CDH13: variants seen among roughly 807,000 people sequenced by gnomAD.
The protein encoded by CDH13 is cadherin 13.
In CDH13, 24 loss-of-function variants were observed where a neutral mutation model predicts 63.8. The ratio of observed to expected loss-of-function variants is 0.38; its 90% CI spans 0.27 to 0.53. The LOEUF (loss-of-function observed/expected upper bound fraction) is 0.53, where lower values mean the gene tolerates loss of function less well. Among genes scored for constraint, CDH13 ranks in the 20% least tolerant of loss-of-function variants. The pLI is 0.85. For synonymous variants in CDH13, 503 were observed against 355.3 expected (o/e 1.42, Z -4.67); for missense variants, 1,049 against 903.1 (o/e 1.16, Z -2.07).
chr16:82,693,579 A>C (rs2029900000), intron 1 of CDH13, among the ~76,000 whole-genome samples: 1 of 152,226 alleles, frequency 6.6e-6, no homozygotes, highest in Admixed American at 6.5e-5. Context: ...ACCCTGTATA[A>C]GAACCTCCAA....
At chr16:82,683,188 C>A (rs1914729543) in intron 1 of CDH13, among the ~76,000 whole-genome samples, 1 of 152,146 alleles carries the variant, frequency 6.6e-6, no homozygotes, top group South Asian at 2.1e-4. Context: ...TCTTACTAAA[C>A]CTTCCCTGTC....
At chr16:83,081,707 A>AAGAGAGAG (rs538993379) in intron 3 of CDH13, among the ~76,000 whole-genome samples, 1 of 150,656 alleles carries the variant, frequency 6.6e-6, no homozygotes, top group Non-Finnish European at 1.5e-5. Flanking sequence ...GAGAGAGAGA[A>AAGAGAGAG]AGAGAGAGAG....
At chr16:83,280,016 C>T (rs1015104076) in intron 5 of CDH13, among the ~76,000 whole-genome samples, 4 of 152,148 alleles carry the variant, frequency 2.6e-5, no homozygotes, top group South Asian at 2.1e-4. Flanking sequence ...AGAGTCTTGC[C>T]GCAATGTTGA....
intron 2 of CDH13, among the ~76,000 whole-genome samples, chr16:82,911,564 G>T (rs551626690): frequency 6.6e-6 from 1 of 152,094 alleles, no homozygotes; most frequent in Non-Finnish European, 1.5e-5. Flanking sequence ...AATGGGGATG[G>T]TAATAGAGCC....
chr16:83,563,852 C>A (rs1324172567), intron 7 of CDH13, among the ~76,000 whole-genome samples: 1 of 152,192 alleles, frequency 6.6e-6, no homozygotes, highest in East Asian at 1.9e-4. Context: ...CCACTACTAT[C>A]CAGAAACTGA....
At chr16:82,770,089 T>G (rs537796474) in intron 1 of CDH13, among the ~76,000 whole-genome samples, 73 of 152,256 alleles carry the variant, frequency 4.8e-4, no homozygotes, top group Non-Finnish European at 8.8e-4. Flanking sequence ...GTCTATGGCT[T>G]GGGAAGTTCT....
intron 1 of CDH13, among the ~76,000 whole-genome samples, chr16:82,763,457 C>G (rs1427542569): frequency 6.6e-6 from 1 of 152,166 alleles, no homozygotes; most frequent in Non-Finnish European, 1.5e-5. Flanking sequence ...ACATAGTGAA[C>G]ACTCAACAAC....
chr16:82,775,073 G>C (rs969396817), intron 1 of CDH13, among the ~76,000 whole-genome samples: 3 of 152,196 alleles, frequency 2.0e-5, no homozygotes, highest in Non-Finnish European at 4.4e-5. Context: ...ATAGGGTATG[G>C]TGAACAGGAG....
intron 1 of CDH13, among the ~76,000 whole-genome samples, chr16:82,744,889 C>T (rs1355410650): frequency 2.0e-5 from 3 of 152,180 alleles, no homozygotes; most frequent in African/African-American, 4.8e-5. Flanking sequence ...AGTTGTATCA[C>T]TCTAATCCCC....
chr16:82,975,047 C>T (rs541338649), intron 2 of CDH13, among the ~76,000 whole-genome samples: 21 of 152,316 alleles, frequency 1.4e-4, no homozygotes, highest in African/African-American at 4.6e-4. Flanking sequence ...TCTGCACACC[C>T]TCGGCATCAC....
At chr16:83,220,347 C>G (rs1682831955) in intron 5 of CDH13, among the ~76,000 whole-genome samples, 1 of 152,174 alleles carries the variant, frequency 6.6e-6, no homozygotes, top group Non-Finnish European at 1.5e-5. Flanking sequence ...CCGTTCATTC[C>G]AAGTGCCTGT....
intron 3 of CDH13, among the ~76,000 whole-genome samples, chr16:83,044,232 T>G (rs1174416494): frequency 6.6e-6 from 1 of 152,226 alleles, no homozygotes; most frequent in Non-Finnish European, 1.5e-5. Context: ...CATCAGTAAG[T>G]GGCAGGACTG....
intron 6 of CDH13, among the ~76,000 whole-genome samples, chr16:83,419,036 A>G (rs1170286150): frequency 6.6e-6 from 1 of 152,174 alleles, no homozygotes; most frequent in Non-Finnish European, 1.5e-5. Flanking sequence ...TTTCTCAAAC[A>G]GCCAAGCAGC....
chr16:83,474,729 A>G (rs1162034293), intron 6 of CDH13, among the ~76,000 whole-genome samples: 6 of 152,224 alleles, frequency 3.9e-5, no homozygotes, highest in Non-Finnish European at 1.5e-5. Context: ...AGCCCGAGGA[A>G]TAAACTGTGA....
chr16:82,628,284 G>A (rs897785753), intron 1 of CDH13, among the ~76,000 whole-genome samples: 2 of 152,196 alleles, frequency 1.3e-5, no homozygotes, highest in South Asian at 4.1e-4. Flanking sequence ...GGCAGAGTAA[G>A]GAGGGAAAGA....
chr16:82,923,934 A>T (rs2151284888), intron 2 of CDH13, among the ~76,000 whole-genome samples: 2 of 152,344 alleles, frequency 1.3e-5, no homozygotes, highest in Middle Eastern at 3.4e-3. Context: ...AGAATTACAT[A>T]GTCTGGACCC....
chr16:83,695,653 T>A (rs1193498240), intron 10 of CDH13, among the ~76,000 whole-genome samples: 2 of 152,102 alleles, frequency 1.3e-5, no homozygotes, highest in Non-Finnish European at 2.9e-5. Context: ...TTTAAAATGA[T>A]TAGGGGAAAA....
Position 83,376,149 on chromosome 16 carries a change from C to G in CDH13, c.781+31143C>G, listed in dbSNP as rs535670506. The stretch of plus-strand genomic sequence containing the variant: ...ACAAAAATGGCCACCTGGCATTTTC[C>G]CTACTATTTTAGCAAATGAAGCTGC... On this transcript the variant is annotated intron_variant, in intron 6 of 13. Coordinates refer to ENST00000567109, the MANE Select transcript of CDH13 (RefSeq NM_001257.5). Among the ~76,000 whole-genome samples, 16 of 152,232 alleles carry G rather than the reference C, an allele frequency of 1.1e-4. No homozygotes were observed. The South Asian group carries it at 1.9e-3, about 18-fold the overall frequency.
At chr16:83,663,912 C>G (rs371074427) in intron 8 of CDH13, among the ~76,000 whole-genome samples, 1 of 151,264 alleles carries the variant, frequency 6.6e-6, no homozygotes, top group Admixed American at 6.6e-5. Context: ...GTAATGCCAG[C>G]AACTTGGGAG....
Sources: gnomAD v4.1 joint callset for allele counts (sites outside exome capture counted in the v4.1 genomes callset) on GRCh38, gnomAD v4.1.1 for gene constraint, MANE v1.5 for transcripts, NCBI Gene and HGNC (gene_info 2026-07-23, HGNC 2026-07-21) for gene names.